SAMD12: variants seen among roughly 807,000 people sequenced by gnomAD.
SAMD12 encodes sterile alpha motif domain-containing protein 12.
SAMD12 carries 9 observed loss-of-function variants against 15.0 expected under a neutral mutation model. The observed-to-expected ratio is 0.60, with a 90% CI of 0.36 to 1.05. The LOEUF (loss-of-function observed/expected upper bound fraction) is 1.05. Among genes scored for constraint, SAMD12 ranks in the 50% least tolerant of loss-of-function variants. The pLI is 0.01. For missense variants in SAMD12, 230 were observed against 234.2 expected, an observed-to-expected ratio of 0.98 and a Z score of 0.12; for synonymous variants, 86 against 90.1, an observed-to-expected ratio of 0.96 and a Z score of 0.25.
At chr8:118,449,600 A>G (rs745606156) in intron 2 of SAMD12, among the ~76,000 whole-genome samples, 36 of 151,566 alleles carry the variant, frequency 2.4e-4, no homozygotes, top group African/African-American at 8.5e-4. Context: ...TCACGAGTTC[A>G]GGAGACTGAG....
At chr8:118,151,002 A>G in the SAMD12 span, among the ~76,000 whole-genome samples, 1 of 152,140 alleles carries the variant, frequency 6.6e-6, no homozygotes, top group Non-Finnish European at 1.5e-5. Context: ...CCCAGGAGTC[A>G]AGTCCAGCCT....
At chr8:118,334,464 CTTCCCA>C (rs1286747001) in intron 4 of SAMD12, among the ~76,000 whole-genome samples, 6 of 152,144 alleles carry the variant, frequency 3.9e-5, no homozygotes, top group South Asian at 2.1e-4. Flanking sequence ...TCCCCTTCCC[CTTCCCA>C]TTCCTTCCCC....
intron 4 of SAMD12, among the ~76,000 whole-genome samples, chr8:118,303,623 C>T (rs981746887): frequency 2.6e-5 from 4 of 152,052 alleles, no homozygotes; most frequent in Non-Finnish European, 4.4e-5. Flanking sequence ...ATTTCTTTCT[C>T]TTCTAATTTT....
At chr8:118,342,881 G>T (rs1817442715) in intron 4 of SAMD12, among the ~76,000 whole-genome samples, 1 of 152,204 alleles carries the variant, frequency 6.6e-6, no homozygotes, top group Non-Finnish European at 1.5e-5. Context: ...GCTATAGTCA[G>T]GATGGTGCCT....
intron 4 of SAMD12, among the ~76,000 whole-genome samples, chr8:118,294,132 C>A (rs1814575981): frequency 6.6e-6 from 1 of 152,170 alleles, no homozygotes; most frequent in African/African-American, 2.4e-5. Flanking sequence ...ACTTACTTAG[C>A]AATGAGGCAT....
intron 3 of SAMD12, among the ~76,000 whole-genome samples, chr8:118,382,185 T>A (rs894509682): frequency 3.3e-5 from 5 of 152,210 alleles, no homozygotes; most frequent in African/African-American, 1.2e-4. Context: ...GCTCCGATGA[T>A]CTTAATCCCT....
chr8:118,436,907 A>G lies in SAMD12; in HGVS notation c.322+2925T>C, dbSNP rs138496268. Among the ~76,000 whole-genome samples the G allele has an allele frequency of 1.6e-4, 24 of 152,292 alleles. No individual in the cohort carries two copies. In the East Asian group the frequency reaches 4.4e-3, roughly 28 times the overall value. Reference sequence around the variant, plus strand: ...ACACTATGAGGTAGATACTATTAGCATCTCCTTTTCTGCAGGTGACAAGCT... The same window carrying G: ...ACACTATGAGGTAGATACTATTAGCGTCTCCTTTTCTGCAGGTGACAAGCT... On this transcript the variant is annotated intron_variant, in intron 3 of 3. Coordinates refer to ENST00000314727, the MANE Select transcript of SAMD12 (RefSeq NM_207506.3).
At chr8:118,532,405 T>TC (rs990643791) in intron 2 of SAMD12, among the ~76,000 whole-genome samples, 2 of 151,850 alleles carry the variant, frequency 1.3e-5, no homozygotes, top group African/African-American at 4.8e-5. Flanking sequence ...TCTCTTTTTT[T>TC]TGTTGTGTCT....
At chr8:118,494,118 C>G (rs984375757) in intron 2 of SAMD12, among the ~76,000 whole-genome samples, 2 of 152,060 alleles carry the variant, frequency 1.3e-5, no homozygotes, top group African/African-American at 4.8e-5. Flanking sequence ...AGCATCAGAG[C>G]AGGAGAGATC....
the SAMD12 span, among the ~76,000 whole-genome samples, chr8:118,142,586 C>T: frequency 1.4e-4 from 21 of 152,202 alleles, no homozygotes; most frequent in Admixed American, 4.6e-4. Flanking sequence ...GGGCTAACTT[C>T]CAGTCTAGCA....
intron 4 of SAMD12, among the ~76,000 whole-genome samples, chr8:118,200,108 C>A (rs574422863): frequency 7.9e-5 from 12 of 152,274 alleles, no homozygotes; most frequent in Non-Finnish European, 1.0e-4. Flanking sequence ...TGCCTGCTCC[C>A]ATGTAAGATG....
intron 4 of SAMD12, among the ~76,000 whole-genome samples, chr8:118,343,864 T>G (rs187429883): frequency 4.6e-5 from 7 of 152,346 alleles, no homozygotes; most frequent in Non-Finnish European, 8.8e-5. Flanking sequence ...TGCATTGGGT[T>G]AGCTGTGCAA....
rs576766860 is a variant in SAMD12, at chr8:118,253,511, AG to A, written c.434-55780del. 1.4e-3 allele frequency among the ~76,000 whole-genome samples: 219 copies of A among 152,286 alleles called. 1 individual carries two copies. The highest frequency in any genetic ancestry group is 4.3e-3 in the African/African-American group (177 of 41,576). ...ATATATTATAAACTCTTTGTATCTCAGGGCCTAGTGAGTTGCCTTGCAAACA... is the reference window on the plus strand; with the variant it reads ...ATATATTATAAACTCTTTGTATCTCAGGCCTAGTGAGTTGCCTTGCAAACA... On this transcript the variant is annotated intron_variant, in intron 4 of 4. Coordinates refer to the SAMD12 transcript ENST00000409003.
At chr8:118,232,117 A>G (rs1170353813) in intron 4 of SAMD12, among the ~76,000 whole-genome samples, 3 of 152,122 alleles carry the variant, frequency 2.0e-5, no homozygotes, top group African/African-American at 7.2e-5. Context: ...TCCCTCTGTT[A>G]TAGCATTTAC....
At chr8:118,218,366 T>C (rs1352549903) in intron 4 of SAMD12, among the ~76,000 whole-genome samples, 1 of 152,232 alleles carries the variant, frequency 6.6e-6, no homozygotes, top group Non-Finnish European at 1.5e-5. Flanking sequence ...TCCATCACCT[T>C]ACACATTTGC....
At position 118,324,343 on chromosome 8, in the gene SAMD12, C is replaced by A. The variant is rs571905201; in HGVS notation, c.433+55217G>T. On this transcript the variant is annotated intron_variant, in intron 4 of 4. Coordinates refer to the SAMD12 transcript ENST00000409003. The stretch of plus-strand genomic sequence containing the variant: ...TACACGGAGTTGTTAATTCTGACTA[C>A]AATTAAGGTGATCAAGATTATAAAT... Among the ~76,000 whole-genome samples, 7 of 152,214 alleles carry A rather than the reference C, an allele frequency of 4.6e-5. No homozygotes were observed. The East Asian group carries it at 1.4e-3, about 29-fold the overall frequency.
At chr8:118,447,450 C>T (rs1390322489) in intron 2 of SAMD12, among the ~76,000 whole-genome samples, 1 of 151,944 alleles carries the variant, frequency 6.6e-6, no homozygotes, top group Non-Finnish European at 1.5e-5. Flanking sequence ...TTACAGGCAC[C>T]TGCCACTACG....
At chr8:118,548,423 A>ACACC (rs1491292990) in intron 2 of SAMD12, among the ~76,000 whole-genome samples, 76 of 125,360 alleles carry the variant, frequency 6.1e-4, no homozygotes, top group African/African-American at 1.9e-3. Context: ...ACACACACAC[A>ACACC]CCCCATGTGA....
At chr8:118,543,650 G>GTTTTTTTTTTTTT (rs1826047697) in intron 2 of SAMD12, among the ~76,000 whole-genome samples, 1 of 82,326 alleles carries the variant, frequency 1.2e-5, no homozygotes, top group African/African-American at 8.0e-5. Context: ...TTTTTTTTTA[G>GTTTTTTTTTTTTT]CTCACCAGCT....
Sources: gnomAD v4.1 joint callset for allele counts (sites outside exome capture counted in the v4.1 genomes callset) on GRCh38, gnomAD v4.1.1 for gene constraint, MANE v1.5 for transcripts, NCBI Gene and HGNC (gene_info 2026-07-23, HGNC 2026-07-21) for gene names.